The following DHX37 variants were observed in gnomAD, a reference collection of about 807,000 sequenced individuals.
The protein encoded by DHX37 is probable ATP-dependent RNA helicase DHX37.
Under a neutral mutation model 134.3 loss-of-function variants are expected in DHX37, and 52 were observed. The observed-to-expected ratio is 0.39, with a 90% CI of 0.31 to 0.49. The LOEUF (loss-of-function observed/expected upper bound fraction) is 0.49, where lower values mean the gene tolerates loss of function less well. DHX37 is among the 20% of genes least tolerant of loss of function. DHX37 has a pLI of 0.93. For missense variants in DHX37, 1,344 were observed against 1,580.8 expected, an observed-to-expected ratio of 0.85 and a Z score of 2.54; for synonymous variants, 634 against 670.7, an observed-to-expected ratio of 0.95 and a Z score of 0.85.
Position 124,980,481 on chromosome 12 carries a change from GT to G in DHX37, c.738+8del, listed in dbSNP as rs756300992. 4 of 1,605,400 alleles carry G rather than the reference GT, an allele frequency of 2.5e-6. No homozygotes were observed. Among genetic ancestry groups the G allele is most frequent in the Non-Finnish European group, 3.4e-6 (4 of 1,177,808 alleles). On this transcript the variant is annotated splice_region_variant and intron_variant, in intron 4 of 26. Transcript: ENST00000308736. The surrounding 1 kb of genome is among the most constrained non-coding windows in gnomAD (Gnocchi z 5.3). ...CTAGATTCTTAATCACAAACACGGG[GT>G]GGCGAACCTGCATTTCCGGGGAGCG... is the stretch of plus-strand genomic sequence containing the variant.
At chr12:124,958,470 T>C (rs752704107) in intron 16 of DHX37, among the ~76,000 whole-genome samples, 1 of 152,084 alleles carries the variant, frequency 6.6e-6, no homozygotes, top group Non-Finnish European at 1.5e-5. Context: ...ACACTTTTTA[T>C]CCACGTGACC....
intron 2 of DHX37, 50 bp from the exon 3 acceptor site, chr12:124,982,673 TAAG>T (rs1954782571): frequency 2.5e-6 from 4 of 1,594,558 alleles, no homozygotes; most frequent in Non-Finnish European, 3.4e-6. Flanking sequence ...GACCCTCTCT[TAAG>T]AAGGGAAGTG....
intron 25 of DHX37, among the ~76,000 whole-genome samples, chr12:124,948,785 AAAAAC>A (rs1953919246): frequency 1.6e-5 from 1 of 62,322 alleles, no homozygotes; most frequent in African/African-American, 4.2e-5. Context: ...TCAAAAGCAA[AAAAAC>A]ATAATTCTCT....
chr12:124,948,510 G>C (rs1013064202), intron 25 of DHX37: 10 of 365,430 alleles, frequency 2.7e-5, no homozygotes, highest in Non-Finnish European at 4.6e-5. Flanking sequence ...ACTTTGGGAA[G>C]CTGAGGCAGG....
chr12:124,965,520 C>T, intron 13 of DHX37, 148 bp downstream of exon 13: 1 of 1,325,358 alleles, frequency 7.5e-7, no homozygotes, highest in East Asian at 2.7e-5. Context: ...TGTTTGAGGC[C>T]TCCTCGTGCC....
rs554685797 is a variant in DHX37, at chr12:124,952,562, C to T, written c.2704G>A (p.Val902Met). Residue 902 changes from valine (V) to methionine (M), a missense_variant, in exon 21 of 27, where the codon GTG becomes ATG. This residue lies in a region of DHX37 where 558 missense variants were observed against 650.0 expected (regional missense o/e 0.86). Transcript: ENST00000308736. ...RGQLTTAVNA[V>M]CPEAELFVDP... is the part of the protein sequence containing the mutation. Reference sequence around the variant, plus strand: ...ACGAAGAGCTCAGCCTCGGGGCACACGGCATTGACTGAGGGGAGAACCAAG... The same window carrying T: ...ACGAAGAGCTCAGCCTCGGGGCACATGGCATTGACTGAGGGGAGAACCAAG... The T allele has an allele frequency of 8.5e-5, 134 of 1,584,592 alleles. 2 individuals carry two copies. Among genetic ancestry groups the T allele is most frequent in the Middle Eastern group, 3.4e-4 (2 of 5,912 alleles).
At position 124,948,171 on chromosome 12, in the gene DHX37, G is replaced by C. The variant is rs369243193; in HGVS notation, c.3301C>G (p.Arg1101Gly). 6.2e-7 allele frequency: 1 copy of C among 1,613,848 alleles called. No homozygotes were observed. The highest frequency in any genetic ancestry group is 1.7e-5 in the Admixed American group (1 of 59,992). Residue 1101 changes from arginine (R) to glycine (G), a missense_variant, in exon 26 of 27, where the codon CGT becomes GGT. Arg to Gly is a moderately radical substitution (Grantham distance 125, BLOSUM62 -2). This residue lies in a region of DHX37 where 558 missense variants were observed against 650.0 expected (regional missense o/e 0.86). Coordinates refer to ENST00000308736, the MANE Select transcript of DHX37 (RefSeq NM_032656.4). Reference protein sequence around the residue: ...MLKTWARLQPRTESLLRALVA... With the variant: ...MLKTWARLQPGTESLLRALVA... ...AGGGCTCGCAGAAGGCTCTCCGTAC[G>C]GGGCTGCAGCCTGTGGGGCAGGAAT... is the stretch of plus-strand genomic sequence containing the variant.
At chr12:124,964,826 G>A (rs1954344098) in intron 14 of DHX37, 104 bp downstream of exon 14, 6 of 1,443,854 alleles carry the variant, frequency 4.2e-6, no homozygotes, top group Non-Finnish European at 5.6e-6. Flanking sequence ...CTCTGGGGAT[G>A]CTGATCAAAC....
intron 16 of DHX37, 107 bp from the exon 17 acceptor site, chr12:124,957,242 C>G (rs1954118002): frequency 4.8e-6 from 5 of 1,043,642 alleles, no homozygotes; most frequent in Non-Finnish European, 6.5e-6. Flanking sequence ...TCTCCGGGCT[C>G]AGCTCATGCC....
rs747925656 is a variant in DHX37 at position 124,953,910 on chromosome 12, G to A, written c.2665C>T (p.Arg889Trp). The A allele has an allele frequency of 9.9e-6, 16 of 1,612,128 alleles. No individual in the cohort carries two copies. Among genetic ancestry groups the A allele is most frequent in the Middle Eastern group, 1.7e-4 (1 of 6,056 alleles). ...GLRYKAMMEI[R>W]RLRGQLTTAV... is the part of the protein sequence containing the mutation. ...GTGGTCAGCTGGCCCCGCAGGCGCC[G>A]GATCTCCATCATGGCTTTGTACCGC... Residue 889 changes from arginine (R) to tryptophan (W), a missense_variant, in exon 20 of 27, where the codon CGG becomes TGG. Coordinates refer to ENST00000308736, the MANE Select transcript of DHX37 (RefSeq NM_032656.4).
In DHX37 at chr12:124,966,649, C is replaced by T; in HGVS notation, c.1590+144G>A. Reference sequence around the variant, plus strand: ...AAAGTGCTGGAATTACAGGCATGAGCCACTGTGCCTGACCAGGAACTGGAT... The same window carrying T: ...AAAGTGCTGGAATTACAGGCATGAGTCACTGTGCCTGACCAGGAACTGGAT... On this transcript the variant is annotated intron_variant, in intron 12 of 26. Transcript: ENST00000308736. The T allele has an allele frequency of 4.9e-6, 4 of 823,518 alleles. No individual in the cohort carries two copies. In the East Asian group the frequency reaches 1.1e-4, roughly 22 times the overall value. 51.0% of individuals were successfully genotyped at this position (823,518 alleles called of 1,614,324 possible). A position where few individuals can be genotyped will look rare whatever the true frequency, so the allele number is the denominator to read the frequency against.
At chr12:124,967,610 A>G (rs1954417161) in intron 10 of DHX37, among the ~76,000 whole-genome samples, 1 of 152,190 alleles carries the variant, frequency 6.6e-6, no homozygotes, top group African/African-American at 2.4e-5. Flanking sequence ...CAGAGAATGG[A>G]TGGGAGCCCC....
chr12:124,968,405 A>C, intron 10 of DHX37, 129 bp downstream of exon 10: 1 of 1,458,398 alleles, frequency 6.9e-7, no homozygotes, highest in Non-Finnish European at 9.2e-7. Flanking sequence ...GGAATAAGTG[A>C]GGAAGCCGAG....
chr12:124,966,710 T>C (rs1429794129), intron 12 of DHX37, 83 bp downstream of exon 12: 1 of 1,399,414 alleles, frequency 7.1e-7, no homozygotes, highest in South Asian at 1.2e-5. Context: ...CACTTAAACC[T>C]AAGCAGCCAC....
intron 15 of DHX37, among the ~76,000 whole-genome samples, chr12:124,961,695 G>C (rs1033914193): frequency 6.6e-6 from 1 of 152,158 alleles, no homozygotes; most frequent in Non-Finnish European, 1.5e-5. Context: ...CCAAAGTGCT[G>C]GGATTACAGG....
chr12:124,954,270 CG>C (rs942596185), intron 18 of DHX37, 59 bp from the exon 19 acceptor site: 16 of 1,513,232 alleles, frequency 1.1e-5, no homozygotes, highest in Admixed American at 6.8e-5. Flanking sequence ...AGGGCCTCAG[CG>C]GGGGGAACTC....
chr12:124,983,259 G>A (rs901208894), intron 2 of DHX37, among the ~76,000 whole-genome samples: 12 of 151,900 alleles, frequency 7.9e-5, no homozygotes, highest in South Asian at 2.1e-4. Context: ...ACAGGCGCCC[G>A]CCACCATGCC....
chr12:124,981,851 C>T (rs893681140), intron 3 of DHX37, among the ~76,000 whole-genome samples: 9 of 150,248 alleles, frequency 6.0e-5, no homozygotes, highest in South Asian at 2.2e-4. Context: ...CAGTCGGGCG[C>T]GGTGGCTCAC....
chr12:124,972,716 C>G, intron 6 of DHX37, 117 bp from the exon 7 acceptor site: 1 of 864,864 alleles, frequency 1.2e-6, no homozygotes, highest in East Asian at 2.4e-5. Context: ...GGCCCGCTGG[C>G]AACCTGAAAC....
Sources: allele counts gnomAD v4.1 joint callset (sites outside exome capture counted in the v4.1 genomes callset), GRCh38; gene constraint gnomAD v4.1.1; regional missense constraint gnomAD v4.1.1; non-coding constraint Gnocchi (gnomAD v3.1); transcripts MANE v1.5; gene names NCBI Gene and HGNC (gene_info 2026-07-23, HGNC 2026-07-21).